The following PCDH15 variants were observed in gnomAD, a reference collection of about 807,000 sequenced individuals.
PCDH15 encodes protocadherin related 15.
A neutral mutation model predicts 178.5 loss-of-function variants in PCDH15; 129 were observed. That is an observed-to-expected ratio of 0.72 (90% confidence interval 0.63 to 0.84). PCDH15 has a LOEUF of 0.84. PCDH15 is among the 40% of genes least tolerant of loss of function. The pLI, the probability that PCDH15 is intolerant of heterozygous loss-of-function variation, is 0.00. For missense variants in PCDH15, 2,230 were observed against 2,099.9 expected (o/e 1.06, Z -1.21); for synonymous variants, 800 against 732.0 (o/e 1.09, Z -1.50).
intron 23 of PCDH15, among the ~76,000 whole-genome samples, chr10:53,943,246 T>C (rs1423865152): frequency 6.6e-6 from 1 of 152,040 alleles, no homozygotes; most frequent in Non-Finnish European, 1.5e-5. Context: ...CCCAGCACTT[T>C]TGGAGGCTGA....
intron 13 of PCDH15, among the ~76,000 whole-genome samples, chr10:54,154,065 G>T (rs1379079328): frequency 2.0e-5 from 3 of 152,040 alleles, no homozygotes; most frequent in Non-Finnish European, 4.4e-5. Context: ...GTATCTAAAA[G>T]ACTTTATTTG....
At chr10:53,808,337 T>TAC (rs1243202172) in intron 37 of PCDH15, 2 of 511,406 alleles carry the variant, frequency 3.9e-6, no homozygotes, top group Non-Finnish European at 5.0e-6. Flanking sequence ...TGTGTATATA[T>TAC]ATATATATAT....
At chr10:54,099,629 T>C (rs1056853978) in intron 15 of PCDH15, among the ~76,000 whole-genome samples, 7 of 150,584 alleles carry the variant, frequency 4.6e-5, no homozygotes, top group African/African-American at 1.7e-4. Flanking sequence ...TAGATAAAAA[T>C]ATGTAATCCA....
At chr10:54,832,209 G>A (rs1953236860) in intron 3 of PCDH15, among the ~76,000 whole-genome samples, 1 of 152,088 alleles carries the variant, frequency 6.6e-6, no homozygotes, top group Non-Finnish European at 1.5e-5. Context: ...TTTGGAACAG[G>A]ATGAGGAACC....
chr10:54,140,861 T>G (rs372545438), intron 14 of PCDH15, among the ~76,000 whole-genome samples: 6 of 152,108 alleles, frequency 3.9e-5, no homozygotes, highest in African/African-American at 7.2e-5. Context: ...TTTTTTGTAT[T>G]TTAGTAGAGA....
At chr10:54,095,006 C>T (rs1286818605) in intron 15 of PCDH15, among the ~76,000 whole-genome samples, 2 of 152,126 alleles carry the variant, frequency 1.3e-5, no homozygotes, top group Non-Finnish European at 2.9e-5. Context: ...AAGATGAATA[C>T]AGCCATCAAA....
intron 18 of PCDH15, among the ~76,000 whole-genome samples, chr10:54,025,119 T>C (rs2093043162): frequency 6.6e-6 from 1 of 152,184 alleles, no homozygotes; most frequent in African/African-American, 2.4e-5. Flanking sequence ...TCAATTTGAC[T>C]GATGTGGCTG....
intron 8 of PCDH15, among the ~76,000 whole-genome samples, chr10:54,279,487 G>C (rs536315890): frequency 6.6e-6 from 1 of 151,764 alleles, no homozygotes; most frequent in African/African-American, 2.4e-5. Flanking sequence ...AGTTTCCGCA[G>C]TAGAGAAGGG....
chr10:54,386,655 TTGA>T (rs1949969987), intron 3 of PCDH15, among the ~76,000 whole-genome samples: 1 of 152,072 alleles, frequency 6.6e-6, no homozygotes, highest in Non-Finnish European at 1.5e-5. Flanking sequence ...TGTAAAGAAC[TTGA>T]ATCAATAGTT....
chr10:54,957,886 C>T (rs183547207), intron 2 of PCDH15, among the ~76,000 whole-genome samples: 4 of 151,780 alleles, frequency 2.6e-5, no homozygotes, highest in African/African-American at 9.6e-5. Flanking sequence ...AAGCTCTCTG[C>T]CTTCTCCCTG....
chr10:55,349,462 A>G (rs1444566576), intron 2 of PCDH15, among the ~76,000 whole-genome samples: 2 of 152,136 alleles, frequency 1.3e-5, no homozygotes, highest in Non-Finnish European at 2.9e-5. Flanking sequence ...TTACAAAATG[A>G]CTGCTTCCTG....
At chr10:55,049,065 T>A (rs866582415) in intron 2 of PCDH15, among the ~76,000 whole-genome samples, 15 of 151,892 alleles carry the variant, frequency 9.9e-5, no homozygotes, top group African/African-American at 3.4e-4. Context: ...ATTTCCTCAT[T>A]CTTAGAGTGA....
chr10:55,265,104 C>G (rs1842249041), intron 1 of PCDH15, among the ~76,000 whole-genome samples: 1 of 151,982 alleles, frequency 6.6e-6, no homozygotes, highest in Non-Finnish European at 1.5e-5. Flanking sequence ...CTCACTTGCC[C>G]CCTCCTAGAA....
chr10:55,087,680 G>T (rs1005020238), intron 2 of PCDH15, among the ~76,000 whole-genome samples: 1 of 152,088 alleles, frequency 6.6e-6, no homozygotes, highest in Admixed American at 6.6e-5. Flanking sequence ...AGGTGGTAAT[G>T]GTTCTCAAAG....
intron 2 of PCDH15, among the ~76,000 whole-genome samples, chr10:54,935,153 C>T (rs573562779): frequency 2.6e-5 from 4 of 151,872 alleles, no homozygotes; most frequent in Admixed American, 2.6e-4. Flanking sequence ...ATGGGTGCAG[C>T]ACACCAACAT....
At chr10:55,218,895 A>G (rs954977028) in intron 1 of PCDH15, among the ~76,000 whole-genome samples, 15 of 152,110 alleles carry the variant, frequency 9.9e-5, no homozygotes, top group Admixed American at 2.0e-4. Context: ...TTTTGTGTAA[A>G]TCATTTTGTA....
chr10:55,060,311 A>AT (rs1391533585), intron 2 of PCDH15, among the ~76,000 whole-genome samples: 1 of 152,038 alleles, frequency 6.6e-6, no homozygotes, highest in Non-Finnish European at 1.5e-5. Context: ...ATCAAATGGC[A>AT]TTTTTCCTAA....
intron 26 of PCDH15, among the ~76,000 whole-genome samples, chr10:53,871,612 A>C (rs1419071191): frequency 6.6e-6 from 1 of 152,110 alleles, no homozygotes; most frequent in African/African-American, 2.4e-5. Context: ...AAATTTATGC[A>C]ATCAATTTAG....
Position 54,127,255 on chromosome 10 carries a change from T to C in PCDH15, c.1917+5620A>G, listed in dbSNP as rs903272099. ...TACTTTTATTCCATTGCAAAAAGGG[T>C]CATACTTTTATTCCATTCCCCATGT... On this transcript the variant is annotated intron_variant, in intron 15 of 37. Coordinates refer to ENST00000644397, the MANE Select transcript of PCDH15 (RefSeq NM_001384140.1). Among the ~76,000 whole-genome samples, 5 of 152,032 alleles carry C rather than the reference T, an allele frequency of 3.3e-5. No homozygotes were observed. The South Asian group carries it at 8.3e-4, about 25-fold the overall frequency.
Sources: allele counts gnomAD v4.1 joint callset (sites outside exome capture counted in the v4.1 genomes callset), GRCh38; gene constraint gnomAD v4.1.1; transcripts MANE v1.5; gene names NCBI Gene and HGNC (gene_info 2026-07-23, HGNC 2026-07-21).